Variants in PCDHGA1 observed in about 807,000 individuals in gnomAD.
PCDHGA1 encodes protocadherin gamma-A1.
Under a neutral mutation model 58.0 loss-of-function variants are expected in PCDHGA1, and 32 were observed. The ratio of observed to expected loss-of-function variants is 0.55; its 90% CI spans 0.42 to 0.74. PCDHGA1 has a LOEUF of 0.74. Ranked by LOEUF, PCDHGA1 falls within the 30% of genes least tolerant of loss-of-function variation. The pLI is 0.00. For missense variants in PCDHGA1, 1,205 were observed against 1,182.3 expected (o/e 1.02, Z -0.28); for synonymous variants, 498 against 501.1 (o/e 0.99, Z 0.08).
Position 141,374,348 on chromosome 5 carries a change from AG to A in PCDHGA1, c.2421+41245del, listed in dbSNP as rs750321680. The A allele has an allele frequency of 1.9e-6, 3 of 1,613,910 alleles. No individual in the cohort carries two copies. The African/African-American group carries it at 4.0e-5, about 22-fold the overall frequency. On this transcript the variant is annotated intron_variant, in intron 1 of 3. Coordinates refer to ENST00000517417, the MANE Select transcript of PCDHGA1 (RefSeq NM_018912.3). ...AAACGGCAGCTTGGTCACCGCGGGT[AG>A]GATAGACCGCGAGGAGCTCTGTGCT...
chr5:141,420,269 A>C, intron 1 of PCDHGA1: 1 of 1,544,558 alleles, frequency 6.5e-7, no homozygotes, highest in Non-Finnish European at 8.8e-7. Flanking sequence ...GAAGATTCTT[A>C]AACAGGTAAG....
Position 141,415,740 on chromosome 5 carries a change from G to T in PCDHGA1, c.2422-79067G>T, listed in dbSNP as rs866795513. 9.4e-4 allele frequency: 585 copies of T among 624,884 alleles called. 4 individuals carry two copies. The highest frequency in any genetic ancestry group is 8.0e-3 in the African/African-American group (318 of 39,862). 38.7% of individuals were successfully genotyped at this position (624,884 alleles called of 1,614,324 possible). A position where few individuals can be genotyped will look rare whatever the true frequency, so the allele number is the denominator to read the frequency against. The stretch of plus-strand genomic sequence containing the variant: ...TGAGTAGAATTTGATGTTTATTAAG[G>T]TTTTTTTTTTTTTTTTTTTTTTTTT... On this transcript the variant is annotated intron_variant, in intron 1 of 3. Coordinates refer to ENST00000517417, the MANE Select transcript of PCDHGA1 (RefSeq NM_018912.3).
chr5:141,381,417 G>C (rs954058342), intron 1 of PCDHGA1, among the ~76,000 whole-genome samples: 1 of 152,332 alleles, frequency 6.6e-6, no homozygotes, highest in Admixed American at 6.5e-5. Flanking sequence ...GTGGAGAGAC[G>C]AGTACCTCTA....
chr5:141,358,641 G>A lies in PCDHGA1; in HGVS notation c.2421+25536G>A, dbSNP rs577212064. Among the ~76,000 whole-genome samples the A allele has an allele frequency of 9.9e-5, 15 of 152,162 alleles. No individual in the cohort carries two copies. The East Asian group carries it at 2.7e-3, about 27-fold the overall frequency. On this transcript the variant is annotated intron_variant, in intron 1 of 3. Transcript: ENST00000517417. Reference sequence around the variant, plus strand: ...CCAAGCTAATTTCAGTCATATATAAGTAGATTCTAGGAGTAACTTTAATAA... The same window carrying A: ...CCAAGCTAATTTCAGTCATATATAAATAGATTCTAGGAGTAACTTTAATAA...
chr5:141,477,778 C>A lies in PCDHGA1; in HGVS notation c.2422-17029C>A. The stretch of plus-strand genomic sequence containing the variant: ...TCCTAGCCACCAACATCAGCGTGAA[C>A]ATATTTGTCACTGATCGCAATGACA... On this transcript the variant is annotated intron_variant, in intron 1 of 3. Coordinates refer to ENST00000517417, the MANE Select transcript of PCDHGA1 (RefSeq NM_018912.3). The surrounding 1 kb of genome is among the most constrained non-coding windows in gnomAD (Gnocchi z 4.9). The A allele has an allele frequency of 6.2e-7, 1 of 1,614,052 alleles. No individual in the cohort carries two copies. The highest frequency in any genetic ancestry group is 8.5e-7 in the Non-Finnish European group (1 of 1,180,040).
intron 1 of PCDHGA1, among the ~76,000 whole-genome samples, chr5:141,439,371 TA>T (rs1008614540): frequency 7.2e-5 from 11 of 152,034 alleles, no homozygotes; most frequent in Non-Finnish European, 1.0e-4. Flanking sequence ...CAAGAAGAAA[TA>T]AAAATAAGTC....
chr5:141,349,812 T>G (rs1032595462), intron 1 of PCDHGA1, among the ~76,000 whole-genome samples: 8 of 151,658 alleles, frequency 5.3e-5, no homozygotes, highest in Non-Finnish European at 1.2e-4. Flanking sequence ...CCCCCAAAAC[T>G]GAAAAAAATG....
intron 1 of PCDHGA1, chr5:141,394,467 G>C (rs558211393): frequency 3.1e-6 from 5 of 1,614,120 alleles, no homozygotes; most frequent in African/African-American, 1.3e-5. Context: ...GAGCCTGTTC[G>C]TGCTGGACCA....
At chr5:141,348,747 A>G (rs1054262746) in intron 1 of PCDHGA1, among the ~76,000 whole-genome samples, 2 of 152,226 alleles carry the variant, frequency 1.3e-5, no homozygotes, top group Non-Finnish European at 2.9e-5. Context: ...AGTAAAAGGA[A>G]TGGAAAGTAT....
intron 1 of PCDHGA1, among the ~76,000 whole-genome samples, chr5:141,369,284 A>ACT (rs1230564029): frequency 6.6e-6 from 1 of 152,194 alleles, no homozygotes; most frequent in Non-Finnish European, 1.5e-5. Flanking sequence ...TCACTCCCCA[A>ACT]TCCTAATAAC....
At chr5:141,414,738 C>T in intron 1 of PCDHGA1, 1 of 1,614,238 alleles carries the variant, frequency 6.2e-7, no homozygotes, top group Non-Finnish European at 8.5e-7. Context: ...TGTATGCACT[C>T]AGATCCTTCG....
intron 1 of PCDHGA1, among the ~76,000 whole-genome samples, chr5:141,480,615 AT>A (rs1279544819): frequency 2.0e-5 from 3 of 152,218 alleles, no homozygotes; most frequent in African/African-American, 7.2e-5. Context: ...AGCAACTGGC[AT>A]TTTCCCTAGA....
chr5:141,351,392 G>C (rs767660547), intron 1 of PCDHGA1: 29 of 1,611,590 alleles, frequency 1.8e-5, no homozygotes, highest in Non-Finnish European at 2.2e-5. Flanking sequence ...AAATGGCATG[G>C]TGACATGCTA....
chr5:141,510,272 TAAAA>T (rs546154379), intron 3 of PCDHGA1, among the ~76,000 whole-genome samples: 1 of 130,390 alleles, frequency 7.7e-6, no homozygotes, highest in East Asian at 2.2e-4. Context: ...GACTCCATCT[TAAAA>T]AAAAAAAAAA....
At chr5:141,357,397 G>A in intron 1 of PCDHGA1, 2 of 1,614,242 alleles carry the variant, frequency 1.2e-6, no homozygotes, top group Non-Finnish European at 1.7e-6. Flanking sequence ...CAGCAGGTTG[G>A]CAGGTGTGCC....
intron 1 of PCDHGA1, among the ~76,000 whole-genome samples, chr5:141,462,382 C>T (rs80320684): frequency 0.016 from 2,433 of 152,148 alleles, 70 homozygotes; most frequent in African/African-American, 0.055. Flanking sequence ...CTTTTAAATT[C>T]GTTAACATTT....
chr5:141,340,723 C>T (rs747337907), intron 1 of PCDHGA1: 180 of 1,613,930 alleles, frequency 1.1e-4, no homozygotes, highest in Middle Eastern at 1.7e-4. Context: ...CCGCAGAGCC[C>T]GGCTACCTGG....
chr5:141,489,178 C>T lies in PCDHGA1; in HGVS notation c.2422-5629C>T, dbSNP rs909255357. ...GAGACTTCAGCTGCTGCATTCCAAG[C>T]CCTGGGTCTACCTTGGAGACAGGAC... On this transcript the variant is annotated intron_variant, in intron 1 of 3. Transcript: ENST00000517417. This position sits in a 1 kb window ranked among gnomAD's most constrained non-coding sequence, Gnocchi z 4.5. 54 of 1,234,872 alleles carry T rather than the reference C, an allele frequency of 4.4e-5. 1 individual carries two copies. In the East Asian group the frequency reaches 1.2e-3, roughly 29 times the overall value. 76.5% of individuals were successfully genotyped at this position (1,234,872 alleles called of 1,614,324 possible). A position where few individuals can be genotyped will look rare whatever the true frequency, so the allele number is the denominator to read the frequency against.
intron 1 of PCDHGA1, among the ~76,000 whole-genome samples, chr5:141,354,444 T>A (rs1759543565): frequency 6.6e-6 from 1 of 152,238 alleles, no homozygotes; most frequent in African/African-American, 2.4e-5. Context: ...AAACCTATTA[T>A]CCTATTTGTC....
Sources: allele counts gnomAD v4.1 joint callset (sites outside exome capture counted in the v4.1 genomes callset), GRCh38; gene constraint gnomAD v4.1.1; non-coding constraint Gnocchi (gnomAD v3.1); transcripts MANE v1.5; gene names NCBI Gene and HGNC (gene_info 2026-07-23, HGNC 2026-07-21).